The following KDM3B variants were observed in gnomAD, a reference collection of about 807,000 sequenced individuals.
KDM3B encodes the protein lysine demethylase 3B.
In KDM3B, 10 loss-of-function variants were observed where a neutral mutation model predicts 170.0. The ratio of observed to expected loss-of-function variants is 0.06; its 90% CI spans 0.04 to 0.10. The LOEUF is 0.10. KDM3B is among the 10% of genes least tolerant of loss of function. KDM3B has a pLI of 1.00. For missense variants in KDM3B, 1,394 were observed against 2,195.2 expected, an observed-to-expected ratio of 0.64 and a Z score of 7.29; for synonymous variants, 831 against 834.8, an observed-to-expected ratio of 1.00 and a Z score of 0.08.
intron 11 of KDM3B, among the ~76,000 whole-genome samples, chr5:138,401,189 T>A (rs1408679326): frequency 6.6e-6 from 1 of 150,976 alleles, no homozygotes; most frequent in Non-Finnish European, 1.5e-5. Flanking sequence ...GAGAATCGCT[T>A]GAACCCGGGA....
chr5:138,376,842 G>C (rs773605228), intron 3 of KDM3B, among the ~76,000 whole-genome samples: 5 of 152,100 alleles, frequency 3.3e-5, no homozygotes, highest in South Asian at 2.1e-4. Flanking sequence ...AAGTATCATA[G>C]TTACAAAGAA....
At chr5:138,381,827 G>A (rs1762132959) in intron 6 of KDM3B, 1 of 443,282 alleles carries the variant, frequency 2.3e-6, no homozygotes, top group Non-Finnish European at 4.0e-6. Context: ...CTTCTAAAGT[G>A]CAAGGCTGGT....
rs145729823 is a variant in KDM3B, at chr5:138,366,864, C to G, written c.193-5810C>G. Among the ~76,000 whole-genome samples the G allele has an allele frequency of 4.3e-3, 652 of 152,296 alleles. 2 individuals carry two copies. The highest frequency in any genetic ancestry group is 0.015 in the African/African-American group (626 of 41,558). On this transcript the variant is annotated intron_variant, in intron 1 of 23. Transcript: ENST00000314358. ...TAATATAAACAAACGAAAGAACACTCCTGGCCAAACAACATCTTTGTCAAC... is the reference window on the plus strand; with the variant it reads ...TAATATAAACAAACGAAAGAACACTGCTGGCCAAACAACATCTTTGTCAAC...
Position 138,420,827 on chromosome 5 carries a change from G to A in KDM3B, c.3837G>A (p.Leu1279=). Residue 1279 remains leucine, a synonymous_variant, in exon 15 of 24, where the codon CTG becomes CTA. Transcript: ENST00000314358. ...CAAAGCTTTTTAACAGTCTGTTGCTGGGTCCCACTGCCTCCAACAACAAAA... is the reference window on the plus strand; with the variant it reads ...CAAAGCTTTTTAACAGTCTGTTGCTAGGTCCCACTGCCTCCAACAACAAAA... The part of the protein sequence containing the change: ...LTPKLFNSLL[L]GPTASNNKTE... 6.2e-7 allele frequency: 1 copy of A among 1,614,104 alleles called. No individual in the cohort carries two copies. Among genetic ancestry groups the A allele is most frequent in the East Asian group, 2.2e-5 (1 of 44,876 alleles).
At chr5:138,412,779 C>G (rs1395663743) in intron 11 of KDM3B, among the ~76,000 whole-genome samples, 1 of 152,092 alleles carries the variant, frequency 6.6e-6, no homozygotes, top group Non-Finnish European at 1.5e-5. Context: ...CCTGGGCAAA[C>G]AAGCCCATTT....
At chr5:138,415,780 G>A (rs1037982183) in intron 12 of KDM3B, among the ~76,000 whole-genome samples, 1 of 151,994 alleles carries the variant, frequency 6.6e-6, no homozygotes, top group African/African-American at 2.4e-5. Flanking sequence ...GTGTTAGTGT[G>A]CACGTGGCCA....
chr5:138,379,491 A>G, intron 4 of KDM3B, 93 bp from the exon 5 acceptor site: 1 of 1,294,080 alleles, frequency 7.7e-7, no homozygotes, highest in Admixed American at 2.4e-5. Context: ...AGTGCCAAAT[A>G]TTTACATTAT....
chr5:138,375,051 A>T (rs1411927627), intron 2 of KDM3B, 42 bp from the exon 3 acceptor site: 1 of 1,064,904 alleles, frequency 9.4e-7, no homozygotes, highest in Non-Finnish European at 1.4e-6. Context: ...CTGTTTTTTT[A>T]TTCCCAAGTT....
chr5:138,410,079 CCTT>C (rs1172074816), intron 11 of KDM3B, among the ~76,000 whole-genome samples: 5 of 147,984 alleles, frequency 3.4e-5, no homozygotes, highest in East Asian at 2.0e-4. Flanking sequence ...GAGCGAAACT[CCTT>C]CTTAAAAGAA....
intron 11 of KDM3B, among the ~76,000 whole-genome samples, chr5:138,408,111 C>T (rs141107190): frequency 0.011 from 1,628 of 152,288 alleles, 15 homozygotes; most frequent in Non-Finnish European, 0.014. Flanking sequence ...AAGGAGCAGA[C>T]AAGATGGCAC....
chr5:138,399,086 C>T (rs1392280381), intron 10 of KDM3B, among the ~76,000 whole-genome samples: 2 of 151,154 alleles, frequency 1.3e-5, no homozygotes, highest in South Asian at 2.1e-4. Context: ...GACAGCGTTT[C>T]GCCGTGTTAG....
At chr5:138,396,602 T>G (rs2126957576) in intron 9 of KDM3B, among the ~76,000 whole-genome samples, 1 of 152,058 alleles carries the variant, frequency 6.6e-6, no homozygotes, top group South Asian at 2.1e-4. Flanking sequence ...TAGGATGTAG[T>G]AGGAGATACT....
rs764463693 is a variant in KDM3B, at chr5:138,391,055, C to T, written c.1423C>T (p.Pro475Ser). Residue 475 changes from proline (P) to serine (S), a missense_variant, in exon 8 of 24, where the codon CCT becomes TCT. Coordinates refer to ENST00000314358, the MANE Select transcript of KDM3B (RefSeq NM_016604.4). This position sits in a 1 kb window ranked among gnomAD's most constrained non-coding sequence, Gnocchi z 5.0. ...TCTGGCCTCTTCTGGATTTGGAGCA[C>T]CTCTCCCTAGTTCATCGCAACCTTT... ...SILASSGFGA[P>S]LPSSSQPLTF... 6.3e-7 allele frequency: 1 copy of T among 1,598,022 alleles called. No homozygotes were observed.
chr5:138,353,889 C>A (rs1197928139), intron 1 of KDM3B, among the ~76,000 whole-genome samples: 2 of 152,086 alleles, frequency 1.3e-5, no homozygotes, highest in African/African-American at 2.4e-5. Flanking sequence ...TTTTGGCAAG[C>A]CACTTTATTT....
intron 9 of KDM3B, among the ~76,000 whole-genome samples, chr5:138,396,847 T>G (rs1435918447): frequency 6.6e-6 from 1 of 152,180 alleles, no homozygotes; most frequent in Non-Finnish European, 1.5e-5. Flanking sequence ...ATTGTGACTG[T>G]CAGGCAATAT....
chr5:138,361,574 G>A (rs905035956), intron 1 of KDM3B, among the ~76,000 whole-genome samples: 1 of 152,182 alleles, frequency 6.6e-6, no homozygotes, highest in Admixed American at 6.5e-5. Context: ...GGGAAATTGG[G>A]TGTTGCCAAA....
chr5:138,412,336 CAAAA>C (rs1194832246), intron 11 of KDM3B, among the ~76,000 whole-genome samples: 1 of 139,518 alleles, frequency 7.2e-6, no homozygotes, highest in Non-Finnish European at 1.6e-5. Context: ...ACCCCGTCTC[CAAAA>C]AAAAAAGACA....
chr5:138,366,079 C>T (rs1407433871), intron 1 of KDM3B, among the ~76,000 whole-genome samples: 1 of 151,924 alleles, frequency 6.6e-6, no homozygotes, highest in Non-Finnish European at 1.5e-5. Flanking sequence ...TCATCCCAAC[C>T]CTCCTACTCA....
In KDM3B at chr5:138,377,823, G is replaced by A. The variant is rs758484771; in HGVS notation, c.578G>A (p.Arg193Gln). Reference sequence around the variant, plus strand: ...CAAAAGCTACAAGAGATATTCAGCCGAGGTAAGAACGGATAGTCTTCTGTC... The same window carrying A: ...CAAAAGCTACAAGAGATATTCAGCCAAGGTAAGAACGGATAGTCTTCTGTC... ...SDQKLQEIFS[R>Q]GPYSVQGHRV... The change falls in exon 4 of 24, where the codon CGA (arginine) becomes CAA (glutamine). Residue 193 changes from arginine to glutamine, a missense_variant and splice_region_variant. Arg to Gln is a conservative substitution (Grantham distance 43, BLOSUM62 1). Around this residue, in one of 19 missense-constraint regions of KDM3B, gnomAD observed 166 missense variants for 216.4 expected, o/e 0.77. Transcript: ENST00000314358. The A allele has an allele frequency of 1.1e-5, 18 of 1,608,770 alleles. No homozygotes were observed. The highest frequency in any genetic ancestry group is 8.3e-5 in the Admixed American group (5 of 59,984).
Sources: gnomAD v4.1 joint callset for allele counts (sites outside exome capture counted in the v4.1 genomes callset) on GRCh38, gnomAD v4.1.1 for gene constraint, gnomAD v4.1.1 regional missense constraint, Gnocchi (gnomAD v3.1) non-coding constraint, MANE v1.5 for transcripts, NCBI Gene and HGNC (gene_info 2026-07-23, HGNC 2026-07-21) for gene names.